The following SOX6 variants were observed in gnomAD, a reference collection of about 807,000 sequenced individuals.
The protein encoded by SOX6 is SRY-box transcription factor 6, also known as transcription factor SOX-6.
In SOX6, 11 loss-of-function variants were observed where a neutral mutation model predicts 97.8. The observed-to-expected ratio is 0.11, with a 90% CI of 0.07 to 0.19. The LOEUF is 0.19. Among genes scored for constraint, SOX6 ranks in the 10% least tolerant of loss-of-function variants. The pLI, the probability that SOX6 is intolerant of heterozygous loss-of-function variation, is 1.00. For missense variants in SOX6, 810 were observed against 1,039.5 expected, an observed-to-expected ratio of 0.78 and a Z score of 3.04; for synonymous variants, 360 against 371.4, an observed-to-expected ratio of 0.97 and a Z score of 0.35.
intron 13 of SOX6, among the ~76,000 whole-genome samples, chr11:16,001,096 C>A (rs1024752898): frequency 1.3e-5 from 2 of 151,996 alleles, no homozygotes; most frequent in Non-Finnish European, 2.9e-5. Context: ...AACTCCTGGC[C>A]TCAAATGATC....
At chr11:16,005,353 A>G (rs1215609725) in intron 13 of SOX6, among the ~76,000 whole-genome samples, 1 of 151,908 alleles carries the variant, frequency 6.6e-6, no homozygotes, top group South Asian at 2.1e-4. Flanking sequence ...CGCAGTTCCC[A>G]TATATGGGAA....
chr11:16,299,491 C>A (rs924262440), intron 3 of SOX6, among the ~76,000 whole-genome samples: 1 of 152,010 alleles, frequency 6.6e-6, no homozygotes, highest in Admixed American at 6.6e-5. Flanking sequence ...ATCTGAAATA[C>A]AGTAAAGTGG....
At chr11:16,625,319 AT>A (rs140491810) in intron 3 of SOX6, among the ~76,000 whole-genome samples, 50,890 of 152,028 alleles carry the variant, frequency 0.33, 9,420 homozygotes, top group Non-Finnish European at 0.42. Context: ...TCTTTAATTA[AT>A]TTTTTTGTAT....
chr11:16,634,129 A>G (rs976346345), intron 3 of SOX6, among the ~76,000 whole-genome samples: 2 of 152,188 alleles, frequency 1.3e-5, no homozygotes, highest in African/African-American at 4.8e-5. Flanking sequence ...ATAAAAGAAA[A>G]TATGTTCATA....
intron 6 of SOX6, among the ~76,000 whole-genome samples, chr11:16,169,829 C>T (rs1483567478): frequency 6.6e-6 from 1 of 151,954 alleles, no homozygotes; most frequent in African/African-American, 2.4e-5. Context: ...CCATGAGGTG[C>T]TGATGGGGGC....
intron 4 of SOX6, among the ~76,000 whole-genome samples, chr11:16,498,827 C>A (rs1294204302): frequency 2.0e-5 from 3 of 152,204 alleles, no homozygotes; most frequent in African/African-American, 4.8e-5. Flanking sequence ...TAGAGACCTA[C>A]AAAGAAACTT....
At position 16,236,621 on chromosome 11, in the gene SOX6, T is replaced by C. The variant is rs140240994; in HGVS notation, c.446-1950A>G. On this transcript the variant is annotated intron_variant, in intron 3 of 15. Transcript: ENST00000683767. The stretch of plus-strand genomic sequence containing the variant: ...TAAAGTTTGAGTTGAGAGCATATAG[T>C]ATAGTAGTCAAAGATAAAAGCCCAA... 3.0e-4 allele frequency among the ~76,000 whole-genome samples: 46 copies of C among 152,138 alleles called. 1 individual carries two copies. In the East Asian group the frequency reaches 8.5e-3, roughly 28 times the overall value.
intron 9 of SOX6, among the ~76,000 whole-genome samples, chr11:16,085,566 C>T (rs1023377039): frequency 1.3e-5 from 2 of 152,126 alleles, no homozygotes; most frequent in Non-Finnish European, 2.9e-5. Context: ...TAGAGCAGAG[C>T]TTACAAAATG....
chr11:16,482,234 GA>G (rs2133125356), intron 4 of SOX6, among the ~76,000 whole-genome samples: 1 of 152,218 alleles, frequency 6.6e-6, no homozygotes, highest in South Asian at 2.1e-4. Context: ...TTGCAATATG[GA>G]ATCTAAAAAT....
intron 3 of SOX6, among the ~76,000 whole-genome samples, chr11:16,252,147 G>A (rs990277341): frequency 4.6e-5 from 7 of 152,116 alleles, no homozygotes; most frequent in Non-Finnish European, 1.0e-4. Context: ...GGTGATCTTA[G>A]AGAAATAAGA....
At chr11:16,148,862 A>T (rs1237791535) in intron 6 of SOX6, among the ~76,000 whole-genome samples, 2 of 152,150 alleles carry the variant, frequency 1.3e-5, no homozygotes, top group Non-Finnish European at 2.9e-5. Context: ...AAGAAGAAAA[A>T]AAAAGATAAC....
chr11:16,533,241 A>G (rs1436846990), intron 4 of SOX6, among the ~76,000 whole-genome samples: 1 of 151,976 alleles, frequency 6.6e-6, no homozygotes, highest in Non-Finnish European at 1.5e-5. Flanking sequence ...CAATAGAAAC[A>G]TAGTATTTAA....
At chr11:16,512,366 G>A (rs1217919767) in intron 4 of SOX6, among the ~76,000 whole-genome samples, 1 of 152,146 alleles carries the variant, frequency 6.6e-6, no homozygotes, top group East Asian at 1.9e-4. Context: ...TCATCTCTAT[G>A]ACATCACATC....
chr11:16,356,162 T>G lies in SOX6; in HGVS notation c.-73A>C, dbSNP rs1246432866. Among the ~76,000 whole-genome samples the G allele has an allele frequency of 6.6e-6, 1 of 150,990 alleles. No homozygotes were observed. The highest frequency in any genetic ancestry group is 6.6e-5 in the Admixed American group (1 of 15,090). On this transcript the variant is annotated 5_prime_UTR_variant, in exon 1 of 16. Transcript: ENST00000683767. ...CCACATCAGCCAGAACTTCAGAACTTGAGGGCATAACACCTTTGACACCTT... is the reference window on the plus strand; with the variant it reads ...CCACATCAGCCAGAACTTCAGAACTGGAGGGCATAACACCTTTGACACCTT...
rs549418052 is a variant in SOX6, at chr11:16,024,979, G to A, written c.1624-9929C>T. On this transcript the variant is annotated intron_variant, in intron 12 of 15. Transcript: ENST00000683767. The stretch of plus-strand genomic sequence containing the variant: ...TTTAGACTCTTGTCACTGACCATCA[G>A]ATGATAAATGATACAGTAGCATTAA... Among the ~76,000 whole-genome samples the A allele has an allele frequency of 2.4e-3, 368 of 152,212 alleles. 1 individual carries two copies. The highest frequency in any genetic ancestry group is 7.9e-3 in the African/African-American group (328 of 41,550).
intron 11 of SOX6, among the ~76,000 whole-genome samples, 186 bp from the exon 12 acceptor site, chr11:16,046,887 C>A (rs1233412807): frequency 6.6e-6 from 1 of 152,126 alleles, no homozygotes; most frequent in Admixed American, 6.6e-5. Flanking sequence ...GTGCTGGGTT[C>A]TTTTAGCCCT....
chr11:16,309,772 A>G (rs1278733677), intron 3 of SOX6, among the ~76,000 whole-genome samples: 1 of 152,148 alleles, frequency 6.6e-6, no homozygotes, highest in African/African-American at 2.4e-5. Context: ...GAGAAAGAAT[A>G]CAGATCCCAA....
intron 12 of SOX6, among the ~76,000 whole-genome samples, chr11:16,037,960 C>A (rs977952550): frequency 6.6e-6 from 1 of 151,994 alleles, no homozygotes; most frequent in Non-Finnish European, 1.5e-5. Flanking sequence ...TTATAGCAGG[C>A]CTTTCATATC....
chr11:16,195,385 G>A (rs939920428), intron 4 of SOX6, among the ~76,000 whole-genome samples: 1 of 152,072 alleles, frequency 6.6e-6, no homozygotes, highest in African/African-American at 2.4e-5. Flanking sequence ...ACATAGTTAG[G>A]GAATTTCTAA....
Sources: allele counts gnomAD v4.1 joint callset (sites outside exome capture counted in the v4.1 genomes callset), GRCh38; gene constraint gnomAD v4.1.1; transcripts MANE v1.5; gene names NCBI Gene and HGNC (gene_info 2026-07-23, HGNC 2026-07-21).